FRYL: variants seen among roughly 807,000 people sequenced by gnomAD.
The protein encoded by FRYL is protein furry homolog-like.
In FRYL, 150 loss-of-function variants were observed where a neutral mutation model predicts 351.2. That is an observed-to-expected ratio of 0.43 (90% CI 0.37 to 0.49). The LOEUF is 0.49. Ranked by LOEUF, FRYL falls within the 20% of genes least tolerant of loss-of-function variation. FRYL has a pLI of 0.00. For synonymous variants in FRYL, 1,153 were observed against 1,257.1 expected (o/e 0.92, Z 1.75); for missense variants, 3,036 against 3,619.3 (o/e 0.84, Z 4.13).
rs552159015 is a variant in FRYL, at chr4:48,536,166, T to A, written c.6394-339A>T. ...ATTGCTTTGTCAAACCCAGGATGGA[T>A]CAGTGCACAAGTGACTACACAGGCA... On this transcript the variant is annotated intron_variant, in intron 47 of 63. Coordinates refer to ENST00000358350, the MANE Select transcript of FRYL (RefSeq NM_015030.2). 1.8e-4 allele frequency among the ~76,000 whole-genome samples: 27 copies of A among 152,312 alleles called. 1 individual carries two copies. In the Middle Eastern group the frequency reaches 0.014, roughly 77 times the overall value.
Position 48,548,213 on chromosome 4 carries a change from T to C in FRYL, c.4889-444A>G, listed in dbSNP as rs182073737. Among the ~76,000 whole-genome samples, 215 of 152,292 alleles carry C rather than the reference T, an allele frequency of 1.4e-3. 1 individual carries two copies. The highest frequency in any genetic ancestry group is 4.6e-3 in the African/African-American group (191 of 41,568). On this transcript the variant is annotated intron_variant, in intron 40 of 63. Coordinates refer to ENST00000358350, the MANE Select transcript of FRYL (RefSeq NM_015030.2). ...TGGACTTGCTTCAGGAAGCCAATCC[T>C]ATAAGCATCAAATGTATTATAGATA... is the stretch of plus-strand genomic sequence containing the variant.
At chr4:48,613,954 C>CAAA (rs35519906) in intron 7 of FRYL, among the ~76,000 whole-genome samples, 4 of 115,054 alleles carry the variant, frequency 3.5e-5, no homozygotes, top group Non-Finnish European at 5.5e-5. Context: ...TGACTCCAAC[C>CAAA]AAAAAAAAAA....
intron 4 of FRYL, among the ~76,000 whole-genome samples, chr4:48,623,872 G>A (rs1362641889): frequency 1.6e-5 from 1 of 63,192 alleles, no homozygotes; most frequent in Non-Finnish European, 3.1e-5. Flanking sequence ...ACATTGGCTA[G>A]TAATATAAAA....
intron 1 of FRYL, among the ~76,000 whole-genome samples, chr4:48,776,106 A>G (rs1775987369): frequency 6.6e-6 from 1 of 151,252 alleles, no homozygotes; most frequent in Non-Finnish European, 1.5e-5. Flanking sequence ...AACCACTAAC[A>G]ATGTTACAAT....
chr4:48,522,287 A>G (rs1725068291), intron 54 of FRYL, among the ~76,000 whole-genome samples: 1 of 152,138 alleles, frequency 6.6e-6, no homozygotes, highest in African/African-American at 2.4e-5. Flanking sequence ...TGCCTAAAGA[A>G]TAAAAAAAGG....
intron 1 of FRYL, among the ~76,000 whole-genome samples, chr4:48,754,657 GT>G (rs1274139597): frequency 9.4e-6 from 1 of 106,356 alleles, no homozygotes; most frequent in Non-Finnish European, 1.8e-5. Context: ...ATTTTCTGGG[GT>G]TTTTTTGGGG....
At chr4:48,708,102 G>C (rs1359492037) in intron 2 of FRYL, among the ~76,000 whole-genome samples, 1 of 151,720 alleles carries the variant, frequency 6.6e-6, no homozygotes, top group Non-Finnish European at 1.5e-5. Flanking sequence ...TTACAGGTGT[G>C]AGCCACCACA....
chr4:48,694,658 A>T (rs567682939), intron 2 of FRYL, among the ~76,000 whole-genome samples: 222 of 152,340 alleles, frequency 1.5e-3, no homozygotes, highest in African/African-American at 5.0e-3. Flanking sequence ...TATTGGAAAT[A>T]ATCTGCAATA....
chr4:48,753,898 C>G (rs1773504459), intron 1 of FRYL, among the ~76,000 whole-genome samples: 1 of 151,990 alleles, frequency 6.6e-6, no homozygotes, highest in African/African-American at 2.4e-5. Flanking sequence ...GCATTTCCCC[C>G]ACTGAATTGT....
chr4:48,589,181 T>C (rs537927423), intron 18 of FRYL, among the ~76,000 whole-genome samples: 181 of 152,268 alleles, frequency 1.2e-3, no homozygotes, highest in African/African-American at 4.1e-3. Flanking sequence ...AAGTAAGCTA[T>C]TGCCATAACA....
At chr4:48,616,909 C>A (rs1235531383) in intron 7 of FRYL, among the ~76,000 whole-genome samples, 1 of 152,044 alleles carries the variant, frequency 6.6e-6, no homozygotes, top group African/African-American at 2.4e-5. Context: ...TCTATTAAAC[C>A]TCATGTTATT....
intron 4 of FRYL, among the ~76,000 whole-genome samples, chr4:48,623,701 C>T (rs1408377376): frequency 4.0e-5 from 6 of 151,848 alleles, no homozygotes; most frequent in South Asian, 4.2e-4. Context: ...AAAAACAAGG[C>T]GGTTGTCAAA....
intron 4 of FRYL, among the ~76,000 whole-genome samples, chr4:48,624,023 C>A (rs530086657): frequency 6.6e-6 from 1 of 152,248 alleles, no homozygotes; most frequent in East Asian, 1.9e-4. Flanking sequence ...ACTGCATAAA[C>A]TTCTGTGCCA....
At chr4:48,525,119 G>A (rs1252208818) in intron 53 of FRYL, among the ~76,000 whole-genome samples, 2 of 146,106 alleles carry the variant, frequency 1.4e-5, no homozygotes, top group African/African-American at 5.1e-5. Flanking sequence ...AGTATGCACA[G>A]CATAGAGTTT....
chr4:48,664,473 A>G (rs572999959), intron 3 of FRYL, among the ~76,000 whole-genome samples: 1 of 152,368 alleles, frequency 6.6e-6, no homozygotes, highest in African/African-American at 2.4e-5. Context: ...GGTGACTAAC[A>G]AAATGGAAAA....
chr4:48,667,427 C>A (rs1162019877), intron 3 of FRYL, among the ~76,000 whole-genome samples: 1 of 151,626 alleles, frequency 6.6e-6, no homozygotes, highest in African/African-American at 2.4e-5. Flanking sequence ...CAGAACCCCA[C>A]CCCCTCGCTT....
chr4:48,499,293 G>C lies in FRYL; in HGVS notation c.*129C>G, dbSNP rs1719031420. On this transcript the variant is annotated 3_prime_UTR_variant, in exon 64 of 64. Coordinates refer to ENST00000358350, the MANE Select transcript of FRYL (RefSeq NM_015030.2). ...ATCTTTGTTTTTGATGATACAGTTT[G>C]ACATTAGTTACACTAAAAAGTAGAT... 2.7e-6 allele frequency: 2 copies of C among 748,686 alleles called. No homozygotes were observed. The highest frequency in any genetic ancestry group is 5.1e-5 in the Admixed American group (2 of 39,574). The allele number at this position is 748,686 out of a possible 1,614,324, so 46.4% of individuals were successfully genotyped here.
chr4:48,682,627 CAAAA>C (rs1197966825), intron 3 of FRYL, among the ~76,000 whole-genome samples: 2 of 152,114 alleles, frequency 1.3e-5, no homozygotes, highest in Non-Finnish European at 2.9e-5. Flanking sequence ...AGACACTTCT[CAAAA>C]GAAGACATTT....
chr4:48,672,128 ATT>A lies in FRYL; in HGVS notation c.-81+12543_-81+12544del, dbSNP rs1762855896. Among the ~76,000 whole-genome samples the A allele has an allele frequency of 2.6e-5, 4 of 152,206 alleles. No individual in the cohort carries two copies. The South Asian group carries it at 8.3e-4, about 31-fold the overall frequency. On this transcript the variant is annotated intron_variant, in intron 3 of 63. Transcript: ENST00000358350. ...GACACCATTTACTGAACAATTATCA[ATT>A]TTGTTGACAATTTTTTATAATCTTG... is the stretch of plus-strand genomic sequence containing the variant.
Sources: allele counts gnomAD v4.1 joint callset (sites outside exome capture counted in the v4.1 genomes callset), GRCh38; gene constraint gnomAD v4.1.1; transcripts MANE v1.5; gene names NCBI Gene and HGNC (gene_info 2026-07-23, HGNC 2026-07-21).